Variants in ZNF804A observed in about 807,000 individuals in gnomAD.
The protein encoded by ZNF804A is zinc finger protein 804A.
A neutral mutation model predicts 16.5 loss-of-function variants in ZNF804A; 2 were observed. That is an observed-to-expected ratio of 0.12 (90% CI 0.05 to 0.38). The LOEUF is 0.38. ZNF804A is among the 10% of genes least tolerant of loss of function. The pLI, the probability that ZNF804A is intolerant of heterozygous loss-of-function variation, is 0.99. For synonymous variants in ZNF804A, 534 were observed against 489.6 expected, an observed-to-expected ratio of 1.09 and a Z score of -1.20; for missense variants, 1,473 against 1,390.7, an observed-to-expected ratio of 1.06 and a Z score of -0.94.
chr2:184,795,069 G>A (rs574383689), intron 1 of ZNF804A, among the ~76,000 whole-genome samples: 6 of 151,936 alleles, frequency 3.9e-5, no homozygotes, highest in Non-Finnish European at 4.4e-5. Flanking sequence ...TAGAACAAAT[G>A]GATTTACAGA....
chr2:184,754,639 C>G (rs1693931058), intron 1 of ZNF804A, among the ~76,000 whole-genome samples: 1 of 151,588 alleles, frequency 6.6e-6, no homozygotes, highest in Non-Finnish European at 1.5e-5. Flanking sequence ...ATATTTTCAG[C>G]TTTGTTTTTT....
chr2:184,926,363 G>T (rs1410623802), intron 2 of ZNF804A, among the ~76,000 whole-genome samples: 1 of 151,664 alleles, frequency 6.6e-6, no homozygotes, highest in Admixed American at 6.6e-5. Flanking sequence ...TGAAATGGCT[G>T]CTACTGGACA....
intron 2 of ZNF804A, among the ~76,000 whole-genome samples, chr2:184,928,969 C>T (rs1559005810): frequency 6.6e-6 from 1 of 152,166 alleles, no homozygotes; most frequent in African/African-American, 2.4e-5. Flanking sequence ...TTCAGTGCCT[C>T]TTTAAGTGAA....
At chr2:184,614,766 G>C (rs778544494) in intron 1 of ZNF804A, among the ~76,000 whole-genome samples, 9 of 152,080 alleles carry the variant, frequency 5.9e-5, no homozygotes, top group Non-Finnish European at 1.2e-4. Flanking sequence ...ACATTTATGT[G>C]ACCAACAAAC....
At chr2:184,704,028 G>A (rs1408324905) in intron 1 of ZNF804A, among the ~76,000 whole-genome samples, 3 of 152,092 alleles carry the variant, frequency 2.0e-5, no homozygotes, top group African/African-American at 7.2e-5. Flanking sequence ...CTTAAAGAGA[G>A]TTGTAGGGGT....
chr2:184,911,605 C>T (rs561316548), intron 2 of ZNF804A, among the ~76,000 whole-genome samples: 1 of 151,484 alleles, frequency 6.6e-6, no homozygotes, highest in East Asian at 1.9e-4. Flanking sequence ...AATTCATGAG[C>T]ATGGAATTTT....
intron 2 of ZNF804A, among the ~76,000 whole-genome samples, chr2:184,877,261 T>A (rs762848629): frequency 1.2e-4 from 19 of 152,220 alleles, no homozygotes; most frequent in Non-Finnish European, 1.8e-4. Flanking sequence ...GTTTGTGAAT[T>A]TATTATATCC....
intron 1 of ZNF804A, among the ~76,000 whole-genome samples, chr2:184,794,129 T>A (rs1159461009): frequency 1.3e-5 from 2 of 152,146 alleles, no homozygotes; most frequent in Non-Finnish European, 2.9e-5. Flanking sequence ...TATTTTTAGT[T>A]CTTTAAGGAA....
At chr2:184,893,255 A>AT (rs1245746278) in intron 2 of ZNF804A, among the ~76,000 whole-genome samples, 1 of 152,040 alleles carries the variant, frequency 6.6e-6, no homozygotes, top group African/African-American at 2.4e-5. Context: ...TATATGAAAA[A>AT]TTTGGTAAGG....
intron 2 of ZNF804A, among the ~76,000 whole-genome samples, chr2:184,894,925 C>G (rs1228844509): frequency 1.3e-5 from 2 of 151,520 alleles, no homozygotes; most frequent in African/African-American, 2.4e-5. Context: ...CATCTCCTGA[C>G]TTCGTGATCC....
intron 2 of ZNF804A, among the ~76,000 whole-genome samples, chr2:184,893,403 G>A (rs1211597668): frequency 1.3e-5 from 2 of 151,892 alleles, no homozygotes; most frequent in East Asian, 3.9e-4. Flanking sequence ...TTCAAACACT[G>A]AGTTTATATG....
At chr2:184,859,290 C>CT (rs1024649002) in intron 1 of ZNF804A, among the ~76,000 whole-genome samples, 1 of 151,432 alleles carries the variant, frequency 6.6e-6, no homozygotes, top group Non-Finnish European at 1.5e-5. Flanking sequence ...ATCTTTTATT[C>CT]TTTTTTTTAA....
At chr2:184,725,354 A>G (rs1201161536) in intron 1 of ZNF804A, among the ~76,000 whole-genome samples, 1 of 151,714 alleles carries the variant, frequency 6.6e-6, no homozygotes, top group African/African-American at 2.4e-5. Context: ...TCTCTTCTTA[A>G]TAAAATTTAA....
chr2:184,693,353 C>T (rs16826158), intron 1 of ZNF804A, among the ~76,000 whole-genome samples: 47,396 of 152,022 alleles, frequency 0.31, 9,724 homozygotes, highest in African/African-American at 0.58. Context: ...TTAATGTCCA[C>T]AATGGCTTGT....
At chr2:184,870,212 G>T (rs1345947880) in intron 2 of ZNF804A, among the ~76,000 whole-genome samples, 1 of 151,900 alleles carries the variant, frequency 6.6e-6, no homozygotes, top group Non-Finnish European at 1.5e-5. Flanking sequence ...CCAGAGTAAA[G>T]CAAAGTGCAA....
intron 2 of ZNF804A, among the ~76,000 whole-genome samples, chr2:184,927,613 A>G (rs1394140096): frequency 6.6e-6 from 1 of 152,170 alleles, no homozygotes; most frequent in Non-Finnish European, 1.5e-5. Flanking sequence ...TTATGTCTTA[A>G]AGCCAGGGTC....
At chr2:184,636,193 C>A (rs938289985) in intron 1 of ZNF804A, among the ~76,000 whole-genome samples, 1 of 151,324 alleles carries the variant, frequency 6.6e-6, no homozygotes, top group South Asian at 2.1e-4. Flanking sequence ...AAAAATTATG[C>A]CTTTAATCAA....
chr2:184,898,333 T>C lies in ZNF804A; in HGVS notation c.255+31821T>C, dbSNP rs530665129. Among the ~76,000 whole-genome samples the C allele has an allele frequency of 3.0e-4, 45 of 152,206 alleles. No individual in the cohort carries two copies. In the South Asian group the frequency reaches 9.1e-3, roughly 31 times the overall value. ...TAGTGAATATAACAGTGATGAACAG[T>C]GAAGAAAAGAGTGTTTTTACTCTCC... On this transcript the variant is annotated intron_variant, in intron 2 of 3. Transcript: ENST00000302277.
chr2:184,895,448 C>A (rs779162336), intron 2 of ZNF804A, among the ~76,000 whole-genome samples: 5 of 152,062 alleles, frequency 3.3e-5, no homozygotes, highest in Non-Finnish European at 5.9e-5. Context: ...CAAATGAATA[C>A]TGAATCGTTA....
Sources: gnomAD v4.1 joint callset for allele counts (sites outside exome capture counted in the v4.1 genomes callset) on GRCh38, gnomAD v4.1.1 for gene constraint, MANE v1.5 for transcripts, NCBI Gene and HGNC (gene_info 2026-07-23, HGNC 2026-07-21) for gene names.